Variants in BAZ2B observed in about 807,000 individuals in gnomAD.
The protein encoded by BAZ2B is bromodomain adjacent to zinc finger domain 2B.
In BAZ2B, 91 loss-of-function variants were observed where a neutral mutation model predicts 246.0. The ratio of observed to expected loss-of-function variants is 0.37; its 90% CI spans 0.31 to 0.44. The LOEUF is 0.44. Ranked by LOEUF, BAZ2B falls within the 20% of genes least tolerant of loss-of-function variation. The pLI is 1.00. For synonymous variants in BAZ2B, 855 were observed against 860.0 expected (o/e 0.99, Z 0.10); for missense variants, 2,332 against 2,533.7 (o/e 0.92, Z 1.71).
At chr2:159,404,133 A>G (rs1025564302) in intron 16 of BAZ2B, among the ~76,000 whole-genome samples, 5 of 152,172 alleles carry the variant, frequency 3.3e-5, no homozygotes, top group African/African-American at 1.2e-4. Flanking sequence ...TTTTTAAAAG[A>G]ATAGTACTTT....
At chr2:159,594,841 C>T (rs1690280990) in intron 1 of BAZ2B, among the ~76,000 whole-genome samples, 1 of 152,204 alleles carries the variant, frequency 6.6e-6, no homozygotes, top group African/African-American at 2.4e-5. Context: ...CCATGTTGCC[C>T]AGGCTGGTCT....
chr2:159,325,128 T>TATA (rs2063488544), intron 35 of BAZ2B, among the ~76,000 whole-genome samples, 174 bp from the exon 36 acceptor site: 1 of 32,812 alleles, frequency 3.0e-5, no homozygotes, highest in African/African-American at 1.1e-4. Context: ...TATATATATA[T>TATA]ATATATATAT....
chr2:159,707,378 A>G, the BAZ2B span, among the ~76,000 whole-genome samples: 1 of 151,952 alleles, frequency 6.6e-6, no homozygotes, highest in African/African-American at 2.4e-5. Flanking sequence ...CTGAGAACTC[A>G]TCTCTATTAA....
intron 34 of BAZ2B, among the ~76,000 whole-genome samples, chr2:159,329,447 T>A (rs1332425600): frequency 6.6e-6 from 1 of 152,100 alleles, no homozygotes; most frequent in Non-Finnish European, 1.5e-5. Context: ...TACTGGGGTA[T>A]AGCTATGTTG....
chr2:159,706,760 C>T, the BAZ2B span, among the ~76,000 whole-genome samples: 6 of 152,184 alleles, frequency 3.9e-5, no homozygotes, highest in South Asian at 2.1e-4. Flanking sequence ...TAATTTTATA[C>T]GACAGCTTGG....
At chr2:159,402,443 C>T (rs925229050) in intron 16 of BAZ2B, among the ~76,000 whole-genome samples, 1 of 151,924 alleles carries the variant, frequency 6.6e-6, no homozygotes, top group Non-Finnish European at 1.5e-5. Context: ...GAGGGAGACT[C>T]TGTCTAAAAA....
intron 2 of BAZ2B, among the ~76,000 whole-genome samples, chr2:159,488,269 C>T (rs979597386): frequency 2.0e-5 from 3 of 152,014 alleles, no homozygotes; most frequent in African/African-American, 7.2e-5. Context: ...CACAGGATTT[C>T]ACCATGTTGC....
At chr2:159,374,066 GT>G (rs1408973462) in intron 26 of BAZ2B, among the ~76,000 whole-genome samples, 6 of 125,258 alleles carry the variant, frequency 4.8e-5, no homozygotes, top group East Asian at 4.9e-4. Flanking sequence ...GTTTTTCTTA[GT>G]TTTTTTTTCT....
intron 1 of BAZ2B, among the ~76,000 whole-genome samples, chr2:159,575,059 G>A (rs1176184004): frequency 6.6e-6 from 1 of 152,154 alleles, no homozygotes; most frequent in African/African-American, 2.4e-5. Context: ...AAAGCATTAT[G>A]TTACATGACA....
At chr2:159,677,780 A>G in the BAZ2B span, among the ~76,000 whole-genome samples, 14 of 152,324 alleles carry the variant, frequency 9.2e-5, no homozygotes, top group East Asian at 2.5e-3. Context: ...TATAACATTT[A>G]GGAAGATAAA....
chr2:159,680,195 T>G, the BAZ2B span, among the ~76,000 whole-genome samples: 9 of 152,196 alleles, frequency 5.9e-5, no homozygotes, highest in African/African-American at 2.2e-4. Context: ...AAGTATAATC[T>G]TACAAAAAGG....
At chr2:159,684,389 AAACT>A in the BAZ2B span, among the ~76,000 whole-genome samples, 2 of 152,268 alleles carry the variant, frequency 1.3e-5, no homozygotes, top group Non-Finnish European at 2.9e-5. Context: ...AGAAACTGAC[AAACT>A]AAATAAAGAC....
intron 27 of BAZ2B, among the ~76,000 whole-genome samples, chr2:159,358,329 C>T (rs896206797): frequency 2.0e-5 from 3 of 152,086 alleles, no homozygotes; most frequent in Non-Finnish European, 4.4e-5. Context: ...TCTGATAAAA[C>T]AGACTTTAAA....
intron 8 of BAZ2B, among the ~76,000 whole-genome samples, chr2:159,436,486 CGCCTGT>C (rs2072340675): frequency 6.6e-6 from 1 of 152,160 alleles, no homozygotes; most frequent in Non-Finnish European, 1.5e-5. Context: ...TGGTGGCTCA[CGCCTGT>C]AATCCCAGCA....
At chr2:159,690,182 G>T in the BAZ2B span, 1 of 478,426 alleles carries the variant, frequency 2.1e-6, no homozygotes, top group Middle Eastern at 6.9e-4. Flanking sequence ...GGTGACTAGC[G>T]TCTTTCCAAC....
chr2:159,529,448 C>T (rs904224898), intron 2 of BAZ2B, among the ~76,000 whole-genome samples: 1 of 152,186 alleles, frequency 6.6e-6, no homozygotes, highest in Non-Finnish European at 1.5e-5. Context: ...AAAGCACAAT[C>T]TCTCTCAGTA....
At chr2:159,552,772 G>C (rs1292399220) in intron 2 of BAZ2B, among the ~76,000 whole-genome samples, 1 of 152,038 alleles carries the variant, frequency 6.6e-6, no homozygotes, top group African/African-American at 2.4e-5. Context: ...GCTGAGTATC[G>C]TAAGATGTGT....
chr2:159,448,186 G>A, intron 5 of BAZ2B, 56 bp downstream of exon 5: 1 of 1,555,684 alleles, frequency 6.4e-7, no homozygotes, highest in Non-Finnish European at 8.7e-7. Flanking sequence ...TGAACATTAT[G>A]AAAATAATAT....
At chr2:159,353,213 T>C (rs1312310642) in intron 27 of BAZ2B, among the ~76,000 whole-genome samples, 1 of 152,218 alleles carries the variant, frequency 6.6e-6, no homozygotes, top group Non-Finnish European at 1.5e-5. Context: ...TTCAAATTAG[T>C]TTCTAGTTGA....
Sources: allele counts gnomAD v4.1 joint callset (sites outside exome capture counted in the v4.1 genomes callset), GRCh38; gene constraint gnomAD v4.1.1; transcripts MANE v1.5; gene names NCBI Gene and HGNC (gene_info 2026-07-23, HGNC 2026-07-21).